Variants in CLCN3 observed in about 807,000 individuals in gnomAD.
CLCN3 encodes Cl-/H+ antiporter 3.
A neutral mutation model predicts 83.4 loss-of-function variants in CLCN3; 16 were observed. That is an observed-to-expected ratio of 0.19 (90% CI 0.13 to 0.29). The LOEUF (loss-of-function observed/expected upper bound fraction) is 0.29. Among genes scored for constraint, CLCN3 ranks in the 10% least tolerant of loss-of-function variants. The pLI is 1.00. For missense variants in CLCN3, 544 were observed against 1,006.0 expected, an observed-to-expected ratio of 0.54 and a Z score of 6.21; for synonymous variants, 322 against 346.2, an observed-to-expected ratio of 0.93 and a Z score of 0.78.
At chr4:169,684,525 G>A (rs185611721) in intron 3 of CLCN3, among the ~76,000 whole-genome samples, 2 of 152,112 alleles carry the variant, frequency 1.3e-5, no homozygotes, top group African/African-American at 2.4e-5. Context: ...TGTGTCCTTC[G>A]TCATGTCCTT....
chr4:169,712,572 A>G (rs1733263995), intron 11 of CLCN3, among the ~76,000 whole-genome samples: 1 of 152,208 alleles, frequency 6.6e-6, no homozygotes, highest in Non-Finnish European at 1.5e-5. Context: ...TTATACTTTA[A>G]CATGAGAAAA....
At chr4:169,692,692 A>C (rs1732416855) in intron 7 of CLCN3, among the ~76,000 whole-genome samples, 1 of 152,136 alleles carries the variant, frequency 6.6e-6, no homozygotes, top group Admixed American at 6.6e-5. Context: ...CTTAATAGCT[A>C]TGTTTTCCTC....
intron 5 of CLCN3, among the ~76,000 whole-genome samples, chr4:169,689,807 A>G (rs1732295712): frequency 6.6e-6 from 1 of 152,216 alleles, no homozygotes; most frequent in Admixed American, 6.5e-5. Flanking sequence ...CATTTGCGGT[A>G]AGATGAGTAG....
chr4:169,686,466 G>C (rs1732161714), intron 3 of CLCN3, among the ~76,000 whole-genome samples: 2 of 151,258 alleles, frequency 1.3e-5, no homozygotes, highest in African/African-American at 4.9e-5. Flanking sequence ...ACCCAGGCTG[G>C]AGTGCAGTGG....
chr4:169,698,916 G>A (rs768946807), intron 9 of CLCN3, among the ~76,000 whole-genome samples: 12 of 152,120 alleles, frequency 7.9e-5, no homozygotes, highest in Non-Finnish European at 1.8e-4. Context: ...AGCAGTAGCT[G>A]GTCAAGTCTT....
At chr4:169,650,364 T>C (rs192895696) in intron 2 of CLCN3, among the ~76,000 whole-genome samples, 3 of 152,340 alleles carry the variant, frequency 2.0e-5, no homozygotes, top group Admixed American at 2.0e-4. Flanking sequence ...TTGGCTTTGC[T>C]ACAGAGTTTC....
intron 6 of CLCN3, among the ~76,000 whole-genome samples, chr4:169,691,133 C>T (rs192530679): frequency 7.1e-4 from 107 of 151,722 alleles, no homozygotes; most frequent in Non-Finnish European, 1.4e-3. Context: ...TGAGGAGTTG[C>T]GATTGCAGGC....
At chr4:169,671,236 G>A (rs542008579) in intron 2 of CLCN3, among the ~76,000 whole-genome samples, 1 of 152,278 alleles carries the variant, frequency 6.6e-6, no homozygotes, top group African/African-American at 2.4e-5. Context: ...AGAAAATGTG[G>A]CACATATATA....
intron 9 of CLCN3, 125 bp from the exon 10 acceptor site, chr4:169,703,873 G>A (rs1478809644): frequency 2.2e-6 from 2 of 893,720 alleles, no homozygotes; most frequent in Non-Finnish European, 3.4e-6. Flanking sequence ...ATTTGTACTA[G>A]GATTTTGCTA....
intron 11 of CLCN3, among the ~76,000 whole-genome samples, chr4:169,710,183 A>C (rs890909223): frequency 6.6e-6 from 1 of 152,176 alleles, no homozygotes; most frequent in East Asian, 1.9e-4. Context: ...AAATCAGGCT[A>C]ATTAACTCAG....
chr4:169,625,338 G>C (rs1327765872), intron 1 of CLCN3, among the ~76,000 whole-genome samples: 1 of 152,102 alleles, frequency 6.6e-6, no homozygotes, highest in Non-Finnish European at 1.5e-5. Flanking sequence ...ATTAGATGTG[G>C]TCCTCAGCTG....
chr4:169,699,986 T>C (rs1732716152), intron 9 of CLCN3, among the ~76,000 whole-genome samples: 1 of 152,194 alleles, frequency 6.6e-6, no homozygotes, highest in South Asian at 2.1e-4. Flanking sequence ...AAGCTCTTTT[T>C]CCTACAATAA....
At chr4:169,710,173 A>G (rs1406149701) in intron 11 of CLCN3, among the ~76,000 whole-genome samples, 1 of 152,216 alleles carries the variant, frequency 6.6e-6, no homozygotes, top group Non-Finnish European at 1.5e-5. Context: ...TGGAATGGTT[A>G]AATCAGGCTA....
At chr4:169,639,838 G>A (rs1051490600) in intron 2 of CLCN3, among the ~76,000 whole-genome samples, 1 of 152,164 alleles carries the variant, frequency 6.6e-6, no homozygotes, top group Non-Finnish European at 1.5e-5. Flanking sequence ...ATTACCAGAA[G>A]GTACTGATAG....
intron 3 of CLCN3, among the ~76,000 whole-genome samples, chr4:169,687,190 C>A (rs1373405258): frequency 6.6e-6 from 1 of 152,084 alleles, no homozygotes; most frequent in Non-Finnish European, 1.5e-5. Context: ...TTATGTGTAC[C>A]AATTGAGGTT....
intron 9 of CLCN3, among the ~76,000 whole-genome samples, chr4:169,698,601 GAGGGAC>G (rs1347992780): frequency 1.3e-5 from 2 of 152,166 alleles, no homozygotes; most frequent in African/African-American, 4.8e-5. Flanking sequence ...ACATTCAGAG[GAGGGAC>G]ATACACTTGC....
chr4:169,720,214 G>A lies in CLCN3; in HGVS notation c.*217G>A. 1 of 643,254 alleles carries A rather than the reference G, an allele frequency of 1.6e-6. No individual in the cohort carries two copies. Among genetic ancestry groups the A allele is most frequent in the Non-Finnish European group, 2.7e-6 (1 of 371,390 alleles). 39.8% of individuals were successfully genotyped at this position (643,254 alleles called of 1,614,324 possible). A position where few individuals can be genotyped will look rare whatever the true frequency, so the allele number is the denominator to read the frequency against. On this transcript the variant is annotated 3_prime_UTR_variant, in exon 13 of 13. Coordinates refer to ENST00000513761, the MANE Select transcript of CLCN3 (RefSeq NM_001829.4). The stretch of plus-strand genomic sequence containing the variant: ...AAAGGAGAGAGAAGGAAAGGAGTGA[G>A]GTATTTCCCGTCTAACAGAAAGCAG...
At chr4:169,639,511 A>T (rs144738125) in intron 2 of CLCN3, among the ~76,000 whole-genome samples, 103 of 152,360 alleles carry the variant, frequency 6.8e-4, no homozygotes, top group African/African-American at 2.4e-3. Context: ...GAAGGTTGTA[A>T]AGGGAAGATA....
intron 2 of CLCN3, chr4:169,643,250 G>C (rs1041895831): frequency 6.6e-6 from 1 of 152,080 alleles, no homozygotes; most frequent in African/African-American, 2.4e-5. Flanking sequence ...ATATTTTTGA[G>C]GCAGAGTTTT....
Sources: allele counts gnomAD v4.1 joint callset (sites outside exome capture counted in the v4.1 genomes callset), GRCh38; gene constraint gnomAD v4.1.1; transcripts MANE v1.5; gene names NCBI Gene and HGNC (gene_info 2026-07-23, HGNC 2026-07-21).